STAT5B: variants seen among roughly 807,000 people sequenced by gnomAD.
STAT5B encodes the protein transcription factor STAT5B.
STAT5B carries 21 observed loss-of-function variants against 107.8 expected under a neutral mutation model. That is an observed-to-expected ratio of 0.19 (90% CI 0.14 to 0.28). The LOEUF (loss-of-function observed/expected upper bound fraction) is 0.28. Ranked by LOEUF, STAT5B falls within the 10% of genes least tolerant of loss-of-function variation. The probability of loss-of-function intolerance (pLI) is 1.00; values close to 1 mark genes in which losing one functional copy is unlikely to be tolerated. For missense variants in STAT5B, 565 were observed against 1,008.2 expected, an observed-to-expected ratio of 0.56 and a Z score of 5.95; for synonymous variants, 325 against 401.7, an observed-to-expected ratio of 0.81 and a Z score of 2.28.
At chr17:42,263,866 AGC>A (rs200810500) in intron 1 of STAT5B, among the ~76,000 whole-genome samples, 3 of 93,268 alleles carry the variant, frequency 3.2e-5, no homozygotes, top group East Asian at 6.8e-4. Flanking sequence ...GATACTAGAA[AGC>A]GCGCACACAC....
chr17:42,219,013 C>T, intron 7 of STAT5B, 135 bp from the exon 8 acceptor site: 3 of 787,824 alleles, frequency 3.8e-6, no homozygotes, highest in East Asian at 2.7e-5. Context: ...AAGAGCAGAG[C>T]TCCCTGCCTC....
At chr17:42,226,096 A>G (rs1176431615) in intron 3 of STAT5B, among the ~76,000 whole-genome samples, 1 of 151,922 alleles carries the variant, frequency 6.6e-6, no homozygotes, top group Non-Finnish European at 1.5e-5. Context: ...TGCCACACCC[A>G]GTTAATTTCT....
Position 42,200,052 on chromosome 17 carries a change from C to A in STAT5B, c.*1686G>T, listed in dbSNP as rs2080031787. 1 of 152,528 alleles carries A rather than the reference C, an allele frequency of 6.6e-6. No homozygotes were observed. The highest frequency in any genetic ancestry group is 2.4e-5 in the African/African-American group (1 of 41,352). The allele number at this position is 152,528 out of a possible 1,614,324, so 9.4% of individuals were successfully genotyped here. On this transcript the variant is annotated 3_prime_UTR_variant, in exon 19 of 19. Transcript: ENST00000293328. Reference sequence around the variant, plus strand: ...CTGAGTGGGATGCGGGTAGCCTGCTCCTCAGAGGCAGAGAGACTCTACTGC... The same window carrying A: ...CTGAGTGGGATGCGGGTAGCCTGCTACTCAGAGGCAGAGAGACTCTACTGC...
At chr17:42,262,968 GTGTATATATATATATATATATATATA>G (rs1480678338) in intron 1 of STAT5B, among the ~76,000 whole-genome samples, 13 of 32,696 alleles carry the variant, frequency 4.0e-4, no homozygotes, top group African/African-American at 1.4e-3. Context: ...GTGTGTGTGT[GTGTATATATATATATATATATATATA>G]TATATATATA....
intron 1 of STAT5B, among the ~76,000 whole-genome samples, chr17:42,274,447 T>C (rs1247849049): frequency 6.6e-6 from 1 of 152,166 alleles, no homozygotes; most frequent in East Asian, 1.9e-4. Context: ...ACGTAACAGA[T>C]ACCACAAATT....
the STAT5B span, among the ~76,000 whole-genome samples, chr17:42,286,563 A>T: frequency 6.6e-6 from 1 of 152,132 alleles, no homozygotes; most frequent in Non-Finnish European, 1.5e-5. Context: ...CAGGCCCTGG[A>T]GGAGAAGTCT....
intron 2 of STAT5B, among the ~76,000 whole-genome samples, chr17:42,228,435 A>C (rs966111786): frequency 1.3e-5 from 2 of 151,806 alleles, no homozygotes; most frequent in Non-Finnish European, 2.9e-5. Flanking sequence ...CCTTTCTACT[A>C]CTTAGGCAAC....
At chr17:42,279,846 C>T (rs1436714791), upstream of STAT5B, among the ~76,000 whole-genome samples, 4 of 151,914 alleles carry the variant, frequency 2.6e-5, no homozygotes, top group African/African-American at 2.4e-5. Context: ...GGGAATGCCT[C>T]TTGATTCTTG....
intron 16 of STAT5B, among the ~76,000 whole-genome samples, chr17:42,205,767 G>A (rs1174331066): frequency 6.6e-6 from 1 of 152,110 alleles, no homozygotes; most frequent in Non-Finnish European, 1.5e-5. Flanking sequence ...TAATTAACCA[G>A]GATTGGTGGT....
At chr17:42,211,371 T>C (rs1049064210) in intron 13 of STAT5B, among the ~76,000 whole-genome samples, 9 of 152,074 alleles carry the variant, frequency 5.9e-5, no homozygotes, top group African/African-American at 1.9e-4. Context: ...CGGGGCGTGG[T>C]GCCGCATGCC....
chr17:42,249,286 G>A (rs191299700), intron 1 of STAT5B, among the ~76,000 whole-genome samples: 12 of 152,176 alleles, frequency 7.9e-5, no homozygotes, highest in Admixed American at 1.3e-4. Flanking sequence ...CCAGCTACTC[G>A]GGAGGCTGAG....
chr17:42,258,819 T>A (rs1055714009), intron 1 of STAT5B, among the ~76,000 whole-genome samples: 1 of 152,232 alleles, frequency 6.6e-6, no homozygotes, highest in South Asian at 2.1e-4. Context: ...AGTCATGGTG[T>A]GAACTTGGCA....
intron 1 of STAT5B, among the ~76,000 whole-genome samples, chr17:42,265,232 T>A (rs1181802657): frequency 1.3e-5 from 2 of 152,082 alleles, no homozygotes; most frequent in African/African-American, 4.8e-5. Flanking sequence ...ATTTGTCAAT[T>A]TTGTCTTTTG....
upstream of STAT5B, among the ~76,000 whole-genome samples, chr17:42,279,332 AG>A (rs1405774828): frequency 6.6e-6 from 1 of 152,194 alleles, no homozygotes. Flanking sequence ...GCGGGAAATA[AG>A]TGTTTACTAC....
intron 1 of STAT5B, among the ~76,000 whole-genome samples, chr17:42,243,908 ATG>A (rs879449832): frequency 0.35 from 53,581 of 151,600 alleles, 10,543 homozygotes; most frequent in African/African-American, 0.53. Flanking sequence ...GTCCAAATCC[ATG>A]GAGATAATGG....
At chr17:42,271,529 T>C (rs1157948029) in intron 1 of STAT5B, 2 of 152,152 alleles carry the variant, frequency 1.3e-5, no homozygotes, top group Non-Finnish European at 2.9e-5. Flanking sequence ...CTCAGAAAAC[T>C]AGCATAGAAT....
the STAT5B span, among the ~76,000 whole-genome samples, chr17:42,285,831 G>A: frequency 6.6e-6 from 1 of 152,064 alleles, no homozygotes; most frequent in Non-Finnish European, 1.5e-5. Flanking sequence ...ATCTCAAAGG[G>A]AGAACAGGCC....
Position 42,223,427 on chromosome 17 carries a change from G to C in STAT5B, c.505C>G (p.Gln169Glu), listed in dbSNP as rs759946844. 3.1e-6 allele frequency: 5 copies of C among 1,614,186 alleles called. No individual in the cohort carries two copies. The highest frequency in any genetic ancestry group is 3.4e-6 in the Non-Finnish European group (4 of 1,180,052). Reference sequence around the variant, plus strand: ...TGGTACTGGATGATGAAGTACTCCTGAGTCTGCTGCAGCTTTTTTAACTCA... The same window carrying C: ...TGGTACTGGATGATGAAGTACTCCTCAGTCTGCTGCAGCTTTTTTAACTCA... ...ENELKKLQQTQEYFIIQYQES... is the reference protein window; with the variant it reads ...ENELKKLQQTEEYFIIQYQES... Residue 169 changes from glutamine (Q) to glutamate (E), a missense_variant, in exon 5 of 19, where the codon CAG (glutamine) becomes GAG (glutamate). Around this residue, in one of 11 missense-constraint regions of STAT5B, gnomAD observed 56 missense variants for 104.5 expected, o/e 0.54. Transcript: ENST00000293328.
At chr17:42,201,975 G>A in intron 18 of STAT5B, 111 bp from the exon 19 acceptor site, 1 of 981,046 alleles carries the variant, frequency 1.0e-6, no homozygotes. Context: ...CCCTCAGCCT[G>A]GGGCTTCATG....
Sources: allele counts gnomAD v4.1 joint callset (sites outside exome capture counted in the v4.1 genomes callset), GRCh38; gene constraint gnomAD v4.1.1; regional missense constraint gnomAD v4.1.1; transcripts MANE v1.5; gene names NCBI Gene and HGNC (gene_info 2026-07-23, HGNC 2026-07-21).